Variants in ZBTB45 observed in about 807,000 individuals in gnomAD.
ZBTB45 encodes the protein zinc finger and BTB domain containing 45.
ZBTB45 carries 22 observed loss-of-function variants against 28.4 expected under a neutral mutation model. That is an observed-to-expected ratio of 0.77 (90% CI 0.55 to 1.10). ZBTB45 has a LOEUF of 1.10. ZBTB45 is among the 50% of genes least tolerant of loss of function. ZBTB45 has a pLI of 0.00. For missense variants in ZBTB45, 656 were observed against 750.2 expected, an observed-to-expected ratio of 0.87 and a Z score of 1.47; for synonymous variants, 361 against 332.3, an observed-to-expected ratio of 1.09 and a Z score of -0.94.
chr19:58,520,709 G>A (rs2053569870), upstream of ZBTB45, among the ~76,000 whole-genome samples: 1 of 152,090 alleles, frequency 6.6e-6, no homozygotes, highest in African/African-American at 2.4e-5. Flanking sequence ...AATGCAACAG[G>A]ACAGGTGTCA....
chr19:58,538,673 C>CA (rs1488005232), intron 1 of ZBTB45: 1 of 152,162 alleles, frequency 6.6e-6, no homozygotes, highest in Non-Finnish European at 1.5e-5. Flanking sequence ...CCGTTACCCT[C>CA]ACGCCCCGCC....
upstream of ZBTB45, among the ~76,000 whole-genome samples, chr19:58,522,425 G>C (rs560019381): frequency 1.1e-3 from 169 of 152,066 alleles, no homozygotes; most frequent in Non-Finnish European, 1.9e-3. Context: ...GCCTCCTAAA[G>C]TGCTGGGATT....
chr19:58,516,337 CCT>C lies in ZBTB45; in HGVS notation c.1279+56_1279+57del. On this transcript the variant is annotated intron_variant, in intron 2 of 2. Coordinates refer to ENST00000594051, the MANE Select transcript of ZBTB45 (RefSeq NM_001316979.2). The surrounding 1 kb of genome is among the most constrained non-coding windows in gnomAD (Gnocchi z 6.2). ...GCCCTGTAACTAGTGCTCAATTCCC[CCT>C]CAGGTTTAACTCTCCGATGAGAGAT... The C allele has an allele frequency of 1.2e-6, 2 of 1,602,322 alleles. No individual in the cohort carries two copies. The highest frequency in any genetic ancestry group is 2.2e-5 in the South Asian group (2 of 89,590).
rs1010387929 is a variant in ZBTB45 at position 58,515,804 on chromosome 19, C to T, written c.1279+591G>A. Among the ~76,000 whole-genome samples, 6 of 152,288 alleles carry T rather than the reference C, an allele frequency of 3.9e-5. No homozygotes were observed. Among genetic ancestry groups the T allele is most frequent in the African/African-American group, 1.4e-4 (6 of 41,552 alleles). On this transcript the variant is annotated intron_variant, in intron 2 of 2. Coordinates refer to ENST00000594051, the MANE Select transcript of ZBTB45 (RefSeq NM_001316979.2). This position sits in a 1 kb window ranked among gnomAD's most constrained non-coding sequence, Gnocchi z 4.7. ...TACCTCTCCTGCAGCACTGCAGAGC[C>T]GCCTCCCTGACACGGCCAAGGTCCG...
At chr19:58,528,157 C>T (rs374445580) in intron 1 of ZBTB45, among the ~76,000 whole-genome samples, 2 of 152,014 alleles carry the variant, frequency 1.3e-5, no homozygotes, top group African/African-American at 2.4e-5. Context: ...GAGAGCTGGC[C>T]GGAAGACACA....
At chr19:58,532,778 C>T (rs945848560) in intron 1 of ZBTB45, among the ~76,000 whole-genome samples, 1 of 152,028 alleles carries the variant, frequency 6.6e-6, no homozygotes, top group Non-Finnish European at 1.5e-5. Context: ...AGACTCCTGA[C>T]TCAGGTGATC....
chr19:58,529,084 C>CAAAAAAAAAA (rs1231496438), intron 1 of ZBTB45, among the ~76,000 whole-genome samples: 7 of 61,422 alleles, frequency 1.1e-4, no homozygotes, highest in African/African-American at 3.7e-4. Flanking sequence ...AACTCCATCT[C>CAAAAAAAAAA]AAAAAAAAAA....
At chr19:58,514,358 C>T in intron 2 of ZBTB45, 48 bp from the exon 3 acceptor site, 1 of 1,377,786 alleles carries the variant, frequency 7.3e-7, no homozygotes, top group Non-Finnish European at 9.4e-7. Context: ...CTCTACAGCT[C>T]CCCGCCCCCA....
chr19:58,536,997 C>T (rs1600072984), intron 1 of ZBTB45, among the ~76,000 whole-genome samples: 1 of 152,150 alleles, frequency 6.6e-6, no homozygotes, highest in East Asian at 1.9e-4. Flanking sequence ...GGGATACTGA[C>T]TGCTCTGCCG....
In ZBTB45 at chr19:58,517,345, C is replaced by T. The variant is rs1600059679; in HGVS notation, c.329G>A (p.Arg110His). 6.2e-7 allele frequency: 1 copy of T among 1,611,748 alleles called. No homozygotes were observed. Among genetic ancestry groups the T allele is most frequent in the Non-Finnish European group, 8.5e-7 (1 of 1,179,876 alleles). ...LQVLTAASVL[R>H]IQTVIDECTQ... Reference sequence around the variant, plus strand: ...GCATTCGTCGATAACTGTCTGTATGCGAAGCACTGACGCGGCCGTGAGCAC... The same window carrying T: ...GCATTCGTCGATAACTGTCTGTATGTGAAGCACTGACGCGGCCGTGAGCAC... The change falls in exon 2 of 3, where the codon CGC becomes CAC. Residue 110 changes from arginine (R) to histidine (H), a missense_variant. Physicochemically the swap from Arg to His is conservative, Grantham distance 29. Transcript: ENST00000594051.
Position 58,516,035 on chromosome 19 carries a change from A to G in ZBTB45, c.1279+360T>C, listed in dbSNP as rs1490858335. On this transcript the variant is annotated intron_variant, in intron 2 of 2. Coordinates refer to ENST00000594051, the MANE Select transcript of ZBTB45 (RefSeq NM_001316979.2). This position sits in a 1 kb window ranked among gnomAD's most constrained non-coding sequence, Gnocchi z 6.2. ...CAGCTGGAAACCAGAGAGACACAGG[A>G]GGCTCCCTGGAGCATAGTTTCCCAA... is the stretch of plus-strand genomic sequence containing the variant. Among the ~76,000 whole-genome samples, 1 of 152,114 alleles carries G rather than the reference A, an allele frequency of 6.6e-6. No individual in the cohort carries two copies. The highest frequency in any genetic ancestry group is 2.4e-5 in the African/African-American group (1 of 41,414).
chr19:58,520,275 G>A (rs1403292176), upstream of ZBTB45: 1 of 152,168 alleles, frequency 6.6e-6, no homozygotes, highest in African/African-American at 2.4e-5. Context: ...GTGGGACTGG[G>A]GAAAGGACCC....
At chr19:58,529,084 C>CAAAAAAAAAAAAAAAAAAAAAA (rs1231496438) in intron 1 of ZBTB45, among the ~76,000 whole-genome samples, 2 of 61,418 alleles carry the variant, frequency 3.3e-5, no homozygotes, top group African/African-American at 1.2e-4. Context: ...AACTCCATCT[C>CAAAAAAAAAAAAAAAAAAAAAA]AAAAAAAAAA....
At chr19:58,538,076 G>C (rs1416494935) in intron 1 of ZBTB45, among the ~76,000 whole-genome samples, 8 of 152,050 alleles carry the variant, frequency 5.3e-5, no homozygotes, top group African/African-American at 1.9e-4. Context: ...GACCTCAGGT[G>C]ATCCGCCCAC....
intron 1 of ZBTB45, among the ~76,000 whole-genome samples, chr19:58,532,659 G>A (rs1311989623): frequency 6.6e-6 from 1 of 152,108 alleles, no homozygotes; most frequent in Non-Finnish European, 1.5e-5. Flanking sequence ...CAATTCTCCT[G>A]CCTCAGCCTC....
At chr19:58,514,978 T>C (rs2053472267) in intron 2 of ZBTB45, among the ~76,000 whole-genome samples, 2 of 152,258 alleles carry the variant, frequency 1.3e-5, no homozygotes, top group South Asian at 4.1e-4. Context: ...CATTCTGGGT[T>C]AGGGGAGGGG....
chr19:58,526,384 A>G lies in ZBTB45; in HGVS notation c.1-8711T>C, dbSNP rs537073038. Among the ~76,000 whole-genome samples, 429 of 150,038 alleles carry G rather than the reference A, an allele frequency of 2.9e-3. 1 individual carries two copies. Among genetic ancestry groups the G allele is most frequent in the Non-Finnish European group, 4.6e-3 (311 of 67,570 alleles). On this transcript the variant is annotated intron_variant, in intron 1 of 1. Transcript: ENST00000600130. Reference sequence around the variant, plus strand: ...GCCACCATGTCCAGTTAATTTTTGTATTTTTAGTGGAGACGGGGTTTCACC... The same window carrying G: ...GCCACCATGTCCAGTTAATTTTTGTGTTTTTAGTGGAGACGGGGTTTCACC...
chr19:58,516,886 G>T lies in ZBTB45; in HGVS notation c.788C>A (p.Ala263Asp). 6.2e-7 allele frequency: 1 copy of T among 1,613,394 alleles called. No individual in the cohort carries two copies. Among genetic ancestry groups the T allele is most frequent in the Non-Finnish European group, 8.5e-7 (1 of 1,180,022 alleles). ...ATCTCTCCCGGCACCACTGTAGTCAGCGAGGCCAGTGGGTGCAGGGGGCTC... is the reference window on the plus strand; with the variant it reads ...ATCTCTCCCGGCACCACTGTAGTCATCGAGGCCAGTGGGTGCAGGGGGCTC... Reference protein sequence around the residue: ...CEEPPAPTGLADYSGAGRDFL... With the variant: ...CEEPPAPTGLDDYSGAGRDFL... The change falls in exon 2 of 3, where the codon GCT (alanine) becomes GAT (aspartate). Residue 263 changes from alanine to aspartate, a missense_variant. Around this residue, in one of 3 missense-constraint regions of ZBTB45, gnomAD observed 448 missense variants for 444.3 expected, o/e 1.01. Coordinates refer to ENST00000594051, the MANE Select transcript of ZBTB45 (RefSeq NM_001316979.2). The surrounding 1 kb of genome is among the most constrained non-coding windows in gnomAD (Gnocchi z 6.2).
intron 2 of ZBTB45, 115 bp from the exon 3 acceptor site, chr19:58,514,425 G>T (rs925668755): frequency 1.6e-5 from 20 of 1,231,856 alleles, no homozygotes; most frequent in Admixed American, 1.1e-4. Flanking sequence ...CTCCCCTCCC[G>T]AACCACCACC....
Sources: gnomAD v4.1 joint callset for allele counts (sites outside exome capture counted in the v4.1 genomes callset) on GRCh38, gnomAD v4.1.1 for gene constraint, gnomAD v4.1.1 regional missense constraint, Gnocchi (gnomAD v3.1) non-coding constraint, MANE v1.5 for transcripts, NCBI Gene and HGNC (gene_info 2026-07-23, HGNC 2026-07-21) for gene names.